Variants in TFPI observed in about 807,000 individuals in gnomAD.
TFPI encodes the protein anti-convertin.
A neutral mutation model predicts 34.6 loss-of-function variants in TFPI; 15 were observed. The observed-to-expected ratio is 0.43, with a 90% CI of 0.29 to 0.67. TFPI has a LOEUF of 0.67. Ranked by LOEUF, TFPI falls within the 30% of genes least tolerant of loss-of-function variation. The probability of loss-of-function intolerance (pLI) is 0.15; values close to 1 mark genes in which losing one functional copy is unlikely to be tolerated. For synonymous variants in TFPI, 105 were observed against 120.1 expected (o/e 0.87, Z 0.82); for missense variants, 301 against 364.0 (o/e 0.83, Z 1.41).
Position 187,503,661 on chromosome 2 carries a change from G to C in TFPI, c.108C>G (p.His36Gln), listed in dbSNP as rs1686003385. The C allele has an allele frequency of 6.2e-7, 1 of 1,612,538 alleles. No homozygotes were observed. The highest frequency in any genetic ancestry group is 2.2e-5 in the East Asian group (1 of 44,832). ...LNADSEEDEE[H>Q]TIITDTELPP... Reference sequence around the variant, plus strand: ...CTAATATTTTACCTGTGATAATTGTGTGTTCTTCATCTTCCTCAGAATCAG... The same window carrying C: ...CTAATATTTTACCTGTGATAATTGTCTGTTCTTCATCTTCCTCAGAATCAG... The change falls in exon 2 of 8, where the codon CAC (histidine) becomes CAG (glutamine). Residue 36 changes from histidine (H) to glutamine (Q), a missense_variant. Physicochemically the swap from His to Gln is conservative, Grantham distance 24. Coordinates refer to ENST00000233156, the MANE Select transcript of TFPI (RefSeq NM_006287.6).
In TFPI at chr2:187,501,847, C is replaced by T. The variant is rs8176422; in HGVS notation, c.121+1801G>A. ...TATTATCATTTTTGCCTTATCTAGA[C>T]GTTAATTCTAGATTATCCTCCCTGC... is the stretch of plus-strand genomic sequence containing the variant. On this transcript the variant is annotated intron_variant, in intron 2 of 7. Transcript: ENST00000233156. Among the ~76,000 whole-genome samples the T allele has an allele frequency of 4.8e-3, 735 of 151,988 alleles. 9 individuals carry two copies. The highest frequency in any genetic ancestry group is 0.016 in the African/African-American group (680 of 41,470).
At chr2:187,526,642 A>G (rs1168463168) in intron 1 of TFPI, among the ~76,000 whole-genome samples, 2 of 152,142 alleles carry the variant, frequency 1.3e-5, no homozygotes, top group Non-Finnish European at 2.9e-5. Flanking sequence ...AAGTGAATCT[A>G]GAAAAAAATT....
intron 1 of TFPI, among the ~76,000 whole-genome samples, chr2:187,538,737 A>G (rs1048560715): frequency 6.6e-6 from 1 of 152,206 alleles, no homozygotes; most frequent in Non-Finnish European, 1.5e-5. Flanking sequence ...AAGTAAAATT[A>G]AAAAATTAAT....
intron 3 of TFPI, among the ~76,000 whole-genome samples, chr2:187,491,152 C>CT (rs977985543): frequency 1.8e-4 from 28 of 151,818 alleles, no homozygotes; most frequent in African/African-American, 6.3e-4. Flanking sequence ...CTGATTGGCA[C>CT]TTTTTTTCTC....
intron 4 of TFPI, among the ~76,000 whole-genome samples, chr2:187,485,979 T>C (rs1378678379): frequency 6.6e-6 from 1 of 151,782 alleles, no homozygotes; most frequent in East Asian, 1.9e-4. Context: ...AAAAAGAACA[T>C]GTATTTAATA....
chr2:187,484,403 C>A, intron 5 of TFPI, 187 bp from the exon 6 acceptor site: 1 of 569,430 alleles, frequency 1.8e-6, no homozygotes, highest in Non-Finnish European at 3.0e-6. Context: ...AACTGTAGTT[C>A]TTGGTCAAAA....
chr2:187,525,949 A>G (rs1574496256), intron 1 of TFPI, among the ~76,000 whole-genome samples: 1 of 152,136 alleles, frequency 6.6e-6, no homozygotes, highest in Admixed American at 6.6e-5. Context: ...TTGATACTAT[A>G]TTTACTTCCT....
At chr2:187,478,810 A>G in intron 6 of TFPI, 1 of 1,607,312 alleles carries the variant, frequency 6.2e-7, no homozygotes. Flanking sequence ...GTAACTGTGG[A>G]TCACAAAATT....
At chr2:187,529,068 T>G (rs1478665910) in intron 1 of TFPI, among the ~76,000 whole-genome samples, 1 of 152,156 alleles carries the variant, frequency 6.6e-6, no homozygotes, top group Non-Finnish European at 1.5e-5. Flanking sequence ...AAATGAAATT[T>G]ATGTTGATAG....
intron 1 of TFPI, chr2:187,517,932 A>G (rs112743193): frequency 6.6e-6 from 1 of 152,274 alleles, no homozygotes; most frequent in African/African-American, 2.4e-5. Context: ...GTTGGTTTAA[A>G]GCCTGTTTTA....
At chr2:187,523,414 G>T (rs1687512042) in intron 1 of TFPI, among the ~76,000 whole-genome samples, 2 of 152,026 alleles carry the variant, frequency 1.3e-5, no homozygotes, top group South Asian at 4.1e-4. Context: ...TCTGTGTGCA[G>T]TTCCTTTTAC....
chr2:187,464,619 C>T lies in TFPI; in HGVS notation c.*2317G>A, dbSNP rs8179667. The T allele has an allele frequency of 6.6e-6, 1 of 152,088 alleles. No individual in the cohort carries two copies. The highest frequency in any genetic ancestry group is 6.6e-5 in the Admixed American group (1 of 15,266). 9.4% of individuals were successfully genotyped at this position (152,088 alleles called of 1,614,324 possible). A position where few individuals can be genotyped will look rare whatever the true frequency, so the allele number is the denominator to read the frequency against. The stretch of plus-strand genomic sequence containing the variant: ...TCTTAGTGACTATTTACCACTTCAC[C>T]TAAGTAGACTTTCCCACTCATTTGA... On this transcript the variant is annotated 3_prime_UTR_variant, in exon 8 of 8. Coordinates refer to ENST00000233156, the MANE Select transcript of TFPI (RefSeq NM_006287.6).
chr2:187,530,901 T>C (rs1687925865), intron 1 of TFPI, among the ~76,000 whole-genome samples: 1 of 152,232 alleles, frequency 6.6e-6, no homozygotes, highest in African/African-American at 2.4e-5. Flanking sequence ...AAGCTAAAAT[T>C]ATTTTAAATG....
intron 3 of TFPI, among the ~76,000 whole-genome samples, chr2:187,493,577 C>T (rs1487449721): frequency 6.6e-6 from 1 of 152,160 alleles, no homozygotes; most frequent in East Asian, 1.9e-4. Flanking sequence ...CATTGTCAAG[C>T]TGCAAATTTT....
chr2:187,500,582 G>T (rs905150606), intron 2 of TFPI, among the ~76,000 whole-genome samples: 1 of 152,038 alleles, frequency 6.6e-6, no homozygotes, highest in African/African-American at 2.4e-5. Context: ...ATGGAAGTAG[G>T]TGATAATTTT....
At chr2:187,486,143 T>C (rs777997108) in intron 4 of TFPI, among the ~76,000 whole-genome samples, 4 of 151,712 alleles carry the variant, frequency 2.6e-5, no homozygotes, top group Non-Finnish European at 4.4e-5. Context: ...TTAACTTTGT[T>C]TCTTCTGTAT....
intron 1 of TFPI, among the ~76,000 whole-genome samples, chr2:187,537,190 C>T (rs1252863946): frequency 6.6e-6 from 1 of 152,192 alleles, no homozygotes; most frequent in African/African-American, 2.4e-5. Flanking sequence ...AATGCTATCC[C>T]CATCAAGCTA....
Position 187,524,357 on chromosome 2 carries a change from C to A in TFPI, c.-2-20587G>T, listed in dbSNP as rs117255081. ...CTTTCCAAAGTAGCTGCACCATTTT[C>A]CTTTCATACCAGTAATGTCTTCCTT... On this transcript the variant is annotated intron_variant, in intron 1 of 7. Coordinates refer to ENST00000233156, the MANE Select transcript of TFPI (RefSeq NM_006287.6). Among the ~76,000 whole-genome samples, 67 of 152,118 alleles carry A rather than the reference C, an allele frequency of 4.4e-4. 1 individual carries two copies. The East Asian group carries it at 0.013, about 28-fold the overall frequency.
intron 1 of TFPI, among the ~76,000 whole-genome samples, chr2:187,528,348 G>T (rs555178476): frequency 6.6e-6 from 1 of 152,188 alleles, no homozygotes; most frequent in South Asian, 2.1e-4. Context: ...AGAGATACTT[G>T]AAAATCTATT....
Sources: gnomAD v4.1 joint callset for allele counts (sites outside exome capture counted in the v4.1 genomes callset) on GRCh38, gnomAD v4.1.1 for gene constraint, MANE v1.5 for transcripts, NCBI Gene and HGNC (gene_info 2026-07-23, HGNC 2026-07-21) for gene names.